The following MDGA2 variants were observed in gnomAD, a reference collection of about 807,000 sequenced individuals.
MDGA2 encodes MAM domain containing glycosylphosphatidylinositol anchor 2, also known as MAM domain-containing glycosylphosphatidylinositol anchor protein 2.
In MDGA2, 40 loss-of-function variants were observed where a neutral mutation model predicts 117.8. The ratio of observed to expected loss-of-function variants is 0.34; its 90% CI spans 0.26 to 0.44. The LOEUF is 0.44. MDGA2 is among the 20% of genes least tolerant of loss of function. The pLI is 1.00. For synonymous variants in MDGA2, 452 were observed against 439.0 expected (o/e 1.03, Z -0.37); for missense variants, 1,123 against 1,250.6 (o/e 0.90, Z 1.54).
intron 1 of MDGA2, among the ~76,000 whole-genome samples, chr14:47,314,559 C>T (rs991096032): frequency 6.6e-6 from 1 of 151,764 alleles, no homozygotes; most frequent in Non-Finnish European, 1.5e-5. Context: ...GAGCCTGTAT[C>T]CCTAGCTACT....
chr14:47,385,577 AT>A (rs1338994057), intron 1 of MDGA2, among the ~76,000 whole-genome samples: 2 of 152,026 alleles, frequency 1.3e-5, no homozygotes, highest in Non-Finnish European at 2.9e-5. Context: ...TTAAAAAGCT[AT>A]TTTTTTCTTT....
intron 6 of MDGA2, among the ~76,000 whole-genome samples, chr14:47,096,386 T>C (rs1879968343): frequency 6.6e-6 from 1 of 151,984 alleles, no homozygotes; most frequent in Non-Finnish European, 1.5e-5. Context: ...TATCTGACAG[T>C]GGAATCCTGA....
At chr14:46,945,947 T>G (rs1482715328) in intron 9 of MDGA2, among the ~76,000 whole-genome samples, 1 of 152,074 alleles carries the variant, frequency 6.6e-6, no homozygotes, top group African/African-American at 2.4e-5. Context: ...ACATGAGTTG[T>G]ATAATGCATG....
At chr14:47,111,622 A>C (rs7152808) in intron 5 of MDGA2, among the ~76,000 whole-genome samples, 22,951 of 152,178 alleles carry the variant, frequency 0.15, 1,849 homozygotes, top group Admixed American at 0.2. Context: ...CACATCTCAC[A>C]CATACAAAAC....
intron 8 of MDGA2, among the ~76,000 whole-genome samples, chr14:46,960,947 T>TACACAC (rs539775019): frequency 9.8e-4 from 134 of 137,098 alleles, no homozygotes; most frequent in African/African-American, 3.2e-3. Context: ...CGTATATATA[T>TACACAC]ATACACACAC....
At chr14:47,519,245 C>T (rs947710194) in intron 1 of MDGA2, among the ~76,000 whole-genome samples, 2 of 151,996 alleles carry the variant, frequency 1.3e-5, no homozygotes, top group African/African-American at 4.8e-5. Flanking sequence ...AAAACACTAC[C>T]AATTAAAATA....
At chr14:47,023,509 G>T (rs910137396) in intron 8 of MDGA2, among the ~76,000 whole-genome samples, 1 of 152,076 alleles carries the variant, frequency 6.6e-6, no homozygotes, top group Non-Finnish European at 1.5e-5. Flanking sequence ...TTTCATCATG[G>T]CAAATAAGAA....
chr14:47,252,616 G>A (rs1382386087), intron 2 of MDGA2, among the ~76,000 whole-genome samples: 2 of 152,054 alleles, frequency 1.3e-5, no homozygotes, highest in East Asian at 1.9e-4. Flanking sequence ...TACCATTTTG[G>A]TGATGAAACA....
At chr14:47,467,421 A>C (rs1893626533) in intron 1 of MDGA2, among the ~76,000 whole-genome samples, 1 of 152,160 alleles carries the variant, frequency 6.6e-6, no homozygotes, top group Non-Finnish European at 1.5e-5. Context: ...ATCCAATAAA[A>C]GTTCTTGATA....
At chr14:47,354,521 T>C (rs774136948) in intron 1 of MDGA2, among the ~76,000 whole-genome samples, 1 of 152,126 alleles carries the variant, frequency 6.6e-6, no homozygotes, top group Non-Finnish European at 1.5e-5. Context: ...ATGTGACATA[T>C]GAAAAAGCAT....
intron 1 of MDGA2, among the ~76,000 whole-genome samples, chr14:47,323,391 C>T (rs148512890): frequency 6.6e-6 from 1 of 151,448 alleles, no homozygotes; most frequent in Non-Finnish European, 1.5e-5. Context: ...ACTGGGAGGC[C>T]GAGGCAGGAA....
At chr14:47,661,746 CTTTTTTTTTTTT>C (rs1172717995) in intron 1 of MDGA2, among the ~76,000 whole-genome samples, 2 of 97,210 alleles carry the variant, frequency 2.1e-5, no homozygotes, top group Non-Finnish European at 1.9e-5. Flanking sequence ...ATCAGAGTTT[CTTTTTTTTTTTT>C]TTTTTTTTTT....
chr14:47,487,397 A>C (rs1894083131), intron 1 of MDGA2, among the ~76,000 whole-genome samples: 1 of 152,188 alleles, frequency 6.6e-6, no homozygotes, highest in Admixed American at 6.5e-5. Flanking sequence ...CAGCTTACCA[A>C]ATATTTCTAC....
At chr14:47,203,682 A>G (rs1247218966) in intron 3 of MDGA2, among the ~76,000 whole-genome samples, 1 of 151,950 alleles carries the variant, frequency 6.6e-6, no homozygotes, top group Admixed American at 6.6e-5. Context: ...GGCTTTGTGA[A>G]CCAGGGTAAT....
chr14:46,850,552 A>C (rs1476968209), intron 15 of MDGA2, among the ~76,000 whole-genome samples: 1 of 151,866 alleles, frequency 6.6e-6, no homozygotes, highest in Non-Finnish European at 1.5e-5. Flanking sequence ...ACTTTGAAAA[A>C]CTTCAGGATA....
chr14:47,307,192 C>A (rs772874830), intron 1 of MDGA2, among the ~76,000 whole-genome samples: 6 of 152,128 alleles, frequency 3.9e-5, no homozygotes, highest in African/African-American at 2.4e-5. Flanking sequence ...CCATTCTTTT[C>A]TTTCCTATCT....
chr14:47,008,596 T>C (rs1462137480), intron 8 of MDGA2, among the ~76,000 whole-genome samples: 1 of 151,912 alleles, frequency 6.6e-6, no homozygotes, highest in Non-Finnish European at 1.5e-5. Context: ...TGGGATGAAA[T>C]GGCACTGCTC....
intron 1 of MDGA2, among the ~76,000 whole-genome samples, chr14:47,325,675 G>A (rs1396837344): frequency 6.6e-6 from 1 of 152,182 alleles, no homozygotes; most frequent in Non-Finnish European, 1.5e-5. Flanking sequence ...CTAGGCATGT[G>A]CAGGAGAGAA....
intron 1 of MDGA2, among the ~76,000 whole-genome samples, chr14:47,310,007 T>G (rs1481602283): frequency 6.6e-6 from 1 of 152,154 alleles, no homozygotes; most frequent in African/African-American, 2.4e-5. Context: ...TATAAAAAAT[T>G]GAATACAAAA....
Sources: gnomAD v4.1 joint callset for allele counts (sites outside exome capture counted in the v4.1 genomes callset) on GRCh38, gnomAD v4.1.1 for gene constraint, MANE v1.5 for transcripts, NCBI Gene and HGNC (gene_info 2026-07-23, HGNC 2026-07-21) for gene names.